Variants in RGPD2 observed in about 807,000 individuals in gnomAD.
The protein encoded by RGPD2 is RANBP2-like and GRIP domain-containing protein 2.
Under a neutral mutation model 36.0 loss-of-function variants are expected in RGPD2, and 2 were observed. That is an observed-to-expected ratio of 0.06 (90% CI 0.02 to 0.17). The LOEUF is 0.17. RGPD2 is among the 10% of genes least tolerant of loss of function. The pLI, the probability that RGPD2 is intolerant of heterozygous loss-of-function variation, is 1.00. For synonymous variants in RGPD2, 19 were observed against 163.8 expected (o/e 0.12, Z 6.75); for missense variants, 40 against 464.3 (o/e 0.09, Z 8.40).
the RGPD2 span, among the ~76,000 whole-genome samples, chr2:87,840,591 C>G: frequency 2.0e-5 from 3 of 151,832 alleles, no homozygotes; most frequent in African/African-American, 7.3e-5. Context: ...GTATGATGTC[C>G]TTTATATACA....
rs1188149422 is a variant in RGPD2 at position 87,825,527 on chromosome 2, GAGGCCGA to G, written c.72+124_72+130del. 190 of 271,912 alleles carry G rather than the reference GAGGCCGA, an allele frequency of 7.0e-4. 9 individuals carry two copies. The highest frequency in any genetic ancestry group is 2.1e-3 in the Admixed American group (6 of 2,906). 16.8% of individuals were successfully genotyped at this position (271,912 alleles called of 1,614,324 possible). On this transcript the variant is annotated intron_variant, in intron 1 of 22. Transcript: ENST00000398146. ...CCGAGGCCGAGGCCGCCGCCCGGCCGAGGCCGAGGCCGAGGCCGCCGCCCGGCCAGGT... is the reference window on the plus strand; with the variant it reads ...CCGAGGCCGAGGCCGCCGCCCGGCCGGGCCGAGGCCGCCGCCCGGCCAGGT...
chr2:87,974,068 G>A, the RGPD2 span, among the ~76,000 whole-genome samples: 14 of 151,444 alleles, frequency 9.2e-5, no homozygotes, highest in South Asian at 1.0e-3. Context: ...AGAGTTCTCC[G>A]GCCGCTCTGA....
the RGPD2 span, among the ~76,000 whole-genome samples, chr2:87,842,297 A>G: frequency 1.4e-5 from 2 of 146,812 alleles, 1 homozygote; most frequent in African/African-American, 5.4e-5. Flanking sequence ...ACATGACTGT[A>G]TATCTAGAAA....
chr2:87,932,420 G>A, the RGPD2 span, among the ~76,000 whole-genome samples: 3 of 32,576 alleles, frequency 9.2e-5, no homozygotes, highest in Admixed American at 6.9e-4. Context: ...GTCATTCTGT[G>A]TCTTTTAATT....
chr2:87,937,019 C>T, the RGPD2 span, among the ~76,000 whole-genome samples: 92,139 of 150,800 alleles, frequency 0.61, 32,034 homozygotes, highest in Non-Finnish European at 0.77. Flanking sequence ...GATAAAAACA[C>T]GAGCAAAATA....
At chr2:87,857,859 T>G in the RGPD2 span, among the ~76,000 whole-genome samples, 1 of 152,038 alleles carries the variant, frequency 6.6e-6, no homozygotes, top group South Asian at 2.1e-4. Context: ...TTTAAGAAAG[T>G]TATTCTAGCT....
chr2:87,911,980 A>G, the RGPD2 span, among the ~76,000 whole-genome samples: 1 of 152,068 alleles, frequency 6.6e-6, no homozygotes, highest in Admixed American at 6.6e-5. Flanking sequence ...TCTCAAGTAA[A>G]ATCTAGCTAG....
At chr2:87,848,947 T>C in the RGPD2 span, among the ~76,000 whole-genome samples, 1 of 150,028 alleles carries the variant, frequency 6.7e-6, no homozygotes, top group Admixed American at 6.6e-5. Flanking sequence ...CTAGGATACT[T>C]TCTCAGAGAC....
the RGPD2 span, among the ~76,000 whole-genome samples, chr2:87,961,857 A>G: frequency 1.3e-5 from 2 of 150,806 alleles, no homozygotes; most frequent in Non-Finnish European, 3.0e-5. Flanking sequence ...ATGTTATTCA[A>G]GGGTCAACTG....
At chr2:87,877,655 A>G in the RGPD2 span, among the ~76,000 whole-genome samples, 4 of 152,268 alleles carry the variant, frequency 2.6e-5, no homozygotes, top group Admixed American at 2.6e-4. Context: ...CATGCAAAAA[A>G]TTATCTGGGC....
the RGPD2 span, among the ~76,000 whole-genome samples, chr2:87,897,019 C>T: frequency 6.6e-6 from 1 of 152,298 alleles, no homozygotes; most frequent in Non-Finnish European, 1.5e-5. Flanking sequence ...CAAAACACAA[C>T]ACATTTATTT....
At chr2:87,827,537 C>T (rs1574035659), upstream of RGPD2, among the ~76,000 whole-genome samples, 1 of 133,162 alleles carries the variant, frequency 7.5e-6, no homozygotes, top group Admixed American at 7.8e-5. Context: ...ACATGAAGCA[C>T]ACTTTATATT....
At chr2:87,916,858 G>A in the RGPD2 span, among the ~76,000 whole-genome samples, 1 of 151,548 alleles carries the variant, frequency 6.6e-6, no homozygotes, top group Non-Finnish European at 1.5e-5. Flanking sequence ...GACTAATACA[G>A]GGAGATGTAC....
chr2:87,913,905 GGTAA>G, the RGPD2 span, among the ~76,000 whole-genome samples: 2 of 151,952 alleles, frequency 1.3e-5, no homozygotes, highest in African/African-American at 4.8e-5. Flanking sequence ...TTCAGTTGAT[GGTAA>G]TTTGTTATGT....
At chr2:87,973,692 C>CT in the RGPD2 span, among the ~76,000 whole-genome samples, 5 of 68,818 alleles carry the variant, frequency 7.3e-5, no homozygotes, top group African/African-American at 3.0e-4. Flanking sequence ...CGTGAACCAG[C>CT]TAAAAAAAAA....
At chr2:87,831,090 A>T in the RGPD2 span, among the ~76,000 whole-genome samples, 3 of 152,228 alleles carry the variant, frequency 2.0e-5, no homozygotes, top group Admixed American at 6.5e-5. Context: ...AAATAATGGA[A>T]AGTATGGTAA....
chr2:87,845,943 T>C, the RGPD2 span, among the ~76,000 whole-genome samples: 2 of 151,798 alleles, frequency 1.3e-5, no homozygotes, highest in Non-Finnish European at 2.9e-5. Context: ...TTTATTGTGA[T>C]TTTATTTTCT....
the RGPD2 span, among the ~76,000 whole-genome samples, chr2:87,847,085 A>G: frequency 6.6e-6 from 1 of 152,322 alleles, no homozygotes; most frequent in Middle Eastern, 3.4e-3. Context: ...GTGGTAATTC[A>G]TCAAATTGGT....
the RGPD2 span, among the ~76,000 whole-genome samples, chr2:87,971,838 C>A: frequency 7.9e-5 from 12 of 152,130 alleles, no homozygotes; most frequent in South Asian, 2.5e-3. Flanking sequence ...ATAGAGAAAG[C>A]TTGCTCTTTG....
Sources: gnomAD v4.1 joint callset for allele counts (sites outside exome capture counted in the v4.1 genomes callset) on GRCh38, gnomAD v4.1.1 for gene constraint, MANE v1.5 for transcripts, NCBI Gene and HGNC (gene_info 2026-07-23, HGNC 2026-07-21) for gene names.